AGPAT5: variants seen among roughly 807,000 people sequenced by gnomAD.
AGPAT5 encodes 1-acylglycerol-3-phosphate O-acyltransferase 5, also known as 1-acyl-sn-glycerol-3-phosphate acyltransferase epsilon.
A neutral mutation model predicts 45.6 loss-of-function variants in AGPAT5; 46 were observed. That is an observed-to-expected ratio of 1.01 (90% CI 0.80 to 1.29). The LOEUF is 1.29. Ranked by LOEUF, AGPAT5 falls within the 50% of genes most tolerant of loss-of-function variation. AGPAT5 has a pLI of 0.00. For missense variants in AGPAT5, 673 were observed against 450.7 expected (o/e 1.49, Z -4.47); for synonymous variants, 272 against 167.0 (o/e 1.63, Z -4.85).
intron 5 of AGPAT5, among the ~76,000 whole-genome samples, chr8:6,742,772 T>C (rs1801282092): frequency 1.3e-5 from 2 of 152,304 alleles, no homozygotes; most frequent in South Asian, 4.1e-4. Flanking sequence ...TTTGTAACAG[T>C]ACTTTTAAAA....
chr8:6,711,336 T>G (rs985030549), intron 1 of AGPAT5, among the ~76,000 whole-genome samples: 88 of 152,350 alleles, frequency 5.8e-4, no homozygotes, highest in African/African-American at 2.1e-3. Flanking sequence ...TACTTTATTT[T>G]CATATGTATC....
chr8:6,716,127 G>A (rs1249605099), intron 1 of AGPAT5, among the ~76,000 whole-genome samples: 2 of 152,084 alleles, frequency 1.3e-5, no homozygotes, highest in East Asian at 3.9e-4. Context: ...TAACTTTTAT[G>A]TAATATTAAC....
In AGPAT5 at chr8:6,738,006, T is replaced by C. The variant is rs570899933; in HGVS notation, c.496-3655T>C. On this transcript the variant is annotated intron_variant, in intron 4 of 7. Transcript: ENST00000285518. ...TAAGGGAGTGTTGTGGCTGGTTTGA[T>C]GTTTTATCTAGAGCACTCAAACTTT... Among the ~76,000 whole-genome samples the C allele has an allele frequency of 5.3e-4, 81 of 152,352 alleles. 1 individual carries two copies. In the Middle Eastern group the frequency reaches 0.031, roughly 58 times the overall value.
At chr8:6,730,078 T>C (rs1260646054) in intron 2 of AGPAT5, among the ~76,000 whole-genome samples, 1 of 152,128 alleles carries the variant, frequency 6.6e-6, no homozygotes, top group Non-Finnish European at 1.5e-5. Flanking sequence ...TTTTTGTTTA[T>C]AATTTCCCCT....
intron 1 of AGPAT5, 64 bp downstream of exon 1, chr8:6,708,951 C>T (rs1800038012): frequency 6.8e-7 from 1 of 1,479,572 alleles, no homozygotes; most frequent in South Asian, 1.2e-5. Flanking sequence ...CGGACCTCTC[C>T]GCTCCCCCAC....
intron 4 of AGPAT5, among the ~76,000 whole-genome samples, chr8:6,736,302 T>C (rs1801052508): frequency 6.6e-6 from 1 of 152,258 alleles, no homozygotes; most frequent in African/African-American, 2.4e-5. Flanking sequence ...ATGTCCTTTT[T>C]CTGTTCTAAA....
intron 4 of AGPAT5, among the ~76,000 whole-genome samples, chr8:6,734,080 G>C (rs974172266): frequency 1.3e-5 from 2 of 152,046 alleles, no homozygotes; most frequent in Non-Finnish European, 2.9e-5. Flanking sequence ...ATTTTTACCT[G>C]GATTGGTCCT....
chr8:6,725,384 C>A (rs1039909681), intron 2 of AGPAT5, among the ~76,000 whole-genome samples: 5 of 152,128 alleles, frequency 3.3e-5, no homozygotes, highest in Admixed American at 6.5e-5. Context: ...TCTTCCTTTC[C>A]TTCTTCAAAT....
At chr8:6,742,143 T>C (rs1057395967) in intron 5 of AGPAT5, among the ~76,000 whole-genome samples, 1 of 152,164 alleles carries the variant, frequency 6.6e-6, no homozygotes, top group Non-Finnish European at 1.5e-5. Context: ...AGCTGTATGG[T>C]TGCAACTTGG....
At position 6,757,936 on chromosome 8, in the gene AGPAT5, C is replaced by A. The variant is rs956655095; in HGVS notation, c.*548C>A. On this transcript the variant is annotated 3_prime_UTR_variant, in exon 8 of 8. Transcript: ENST00000285518. ...CATGGGGAAAAAGCTCTGTTTAGCA[C>A]ATGATTTTATTGTATTGCGTTATTA... The A allele has an allele frequency of 1.3e-5, 2 of 152,356 alleles. No individual in the cohort carries two copies. Among genetic ancestry groups the A allele is most frequent in the African/African-American group, 4.8e-5 (2 of 41,426 alleles). 9.4% of individuals were successfully genotyped at this position (152,356 alleles called of 1,614,324 possible). A position where few individuals can be genotyped will look rare whatever the true frequency, so the allele number is the denominator to read the frequency against.
chr8:6,727,998 G>T (rs1800743384), intron 2 of AGPAT5, among the ~76,000 whole-genome samples: 1 of 152,200 alleles, frequency 6.6e-6, no homozygotes, highest in African/African-American at 2.4e-5. Context: ...TGGTTGTGAT[G>T]ACAGTCATAG....
At chr8:6,731,929 C>G (rs919536350) in intron 3 of AGPAT5, among the ~76,000 whole-genome samples, 1 of 152,212 alleles carries the variant, frequency 6.6e-6, no homozygotes, top group Admixed American at 6.5e-5. Flanking sequence ...ACCGCTGGCA[C>G]TGCTTCCTCT....
chr8:6,715,212 GGTT>G (rs1334053194), intron 1 of AGPAT5, among the ~76,000 whole-genome samples: 1 of 152,194 alleles, frequency 6.6e-6, no homozygotes, highest in African/African-American at 2.4e-5. Context: ...TGCCATGCCA[GGTT>G]GTTTAGCCTG....
In AGPAT5 at chr8:6,755,037, T is replaced by C; in HGVS notation, c.746-14T>C. On this transcript the variant is annotated splice_polypyrimidine_tract_variant and intron_variant, in intron 6 of 7. Transcript: ENST00000285518. The stretch of plus-strand genomic sequence containing the variant: ...AAATAGTAAAAAAAAAGAATTATTT[T>C]TGTTCTTTGTTAGAATTTCTCTGCA... The C allele has an allele frequency of 6.4e-7, 1 of 1,563,560 alleles. No individual in the cohort carries two copies.
At position 6,760,550 on chromosome 8, in the gene AGPAT5, A is replaced by T. The variant is rs559765120; in HGVS notation, c.*3162A>T. Among the ~76,000 whole-genome samples, 34 of 152,350 alleles carry T rather than the reference A, an allele frequency of 2.2e-4. No homozygotes were observed. Among genetic ancestry groups the T allele is most frequent in the Non-Finnish European group, 4.3e-4 (29 of 68,034 alleles). ...TATAATTGCAAGCGCATAGTAAAATAATTTTAACCTTAATTTGTTTTTAGT... is the reference window on the plus strand; with the variant it reads ...TATAATTGCAAGCGCATAGTAAAATTATTTTAACCTTAATTTGTTTTTAGT... On this transcript the variant is annotated 3_prime_UTR_variant, in exon 8 of 8. Transcript: ENST00000285518.
At chr8:6,711,021 T>A (rs13250894) in intron 1 of AGPAT5, among the ~76,000 whole-genome samples, 7,652 of 152,186 alleles carry the variant, frequency 0.05, 471 homozygotes, top group East Asian at 0.24. Flanking sequence ...TTTTAGTAAT[T>A]TAAGAGGTTA....
chr8:6,749,198 C>T (rs1801571812), intron 6 of AGPAT5, among the ~76,000 whole-genome samples: 1 of 152,036 alleles, frequency 6.6e-6, no homozygotes, highest in Non-Finnish European at 1.5e-5. Context: ...GAGGGTCACT[C>T]AGGTTTTAAA....
chr8:6,743,283 T>C (rs7825937), intron 5 of AGPAT5, among the ~76,000 whole-genome samples: 4,517 of 152,330 alleles, frequency 0.03, 153 homozygotes, highest in African/African-American at 0.078. Context: ...GCTTTAGCCA[T>C]CGTTTCCTTG....
At chr8:6,721,495 A>C (rs1800496447) in intron 1 of AGPAT5, among the ~76,000 whole-genome samples, 1 of 152,230 alleles carries the variant, frequency 6.6e-6, no homozygotes, top group Non-Finnish European at 1.5e-5. Flanking sequence ...GTGTTGTATG[A>C]AGTAGTTTAC....
Sources: gnomAD v4.1 joint callset for allele counts (sites outside exome capture counted in the v4.1 genomes callset) on GRCh38, gnomAD v4.1.1 for gene constraint, MANE v1.5 for transcripts, NCBI Gene and HGNC (gene_info 2026-07-23, HGNC 2026-07-21) for gene names.